Variants in NTM observed in about 807,000 individuals in gnomAD.
NTM encodes IgLON family member 2.
A neutral mutation model predicts 42.1 loss-of-function variants in NTM; 13 were observed. The ratio of observed to expected loss-of-function variants is 0.31; its 90% CI spans 0.20 to 0.49. The LOEUF is 0.49. Ranked by LOEUF, NTM falls within the 20% of genes least tolerant of loss-of-function variation. The pLI is 0.99. For missense variants in NTM, 373 were observed against 452.8 expected, an observed-to-expected ratio of 0.82 and a Z score of 1.60; for synonymous variants, 187 against 179.2, an observed-to-expected ratio of 1.04 and a Z score of -0.35.
At chr11:131,419,155 AAAACAAACAAACAAAC>A (rs71475754) in intron 1 of NTM, among the ~76,000 whole-genome samples, 1 of 150,898 alleles carries the variant, frequency 6.6e-6, no homozygotes, top group Admixed American at 6.6e-5. Context: ...ACCTTGGTTA[AAAACAAACAAACAAAC>A]AAACAAACAA....
intron 1 of NTM, among the ~76,000 whole-genome samples, chr11:131,545,178 C>T (rs1426094859): frequency 1.3e-5 from 2 of 152,122 alleles, no homozygotes; most frequent in East Asian, 1.9e-4. Context: ...AAATGGGTAT[C>T]ATTTCTAAGG....
At chr11:131,655,358 C>T (rs1223022189) in intron 1 of NTM, among the ~76,000 whole-genome samples, 2 of 152,220 alleles carry the variant, frequency 1.3e-5, no homozygotes, top group African/African-American at 4.8e-5. Context: ...TTTCCAGACA[C>T]TTGCTCCATC....
chr11:131,403,900 C>T (rs1306855344), intron 1 of NTM, among the ~76,000 whole-genome samples: 1 of 152,160 alleles, frequency 6.6e-6, no homozygotes, highest in East Asian at 1.9e-4. Context: ...AGTTCAACAT[C>T]TCAATTTATG....
chr11:131,461,235 T>G (rs1241803481), intron 1 of NTM, among the ~76,000 whole-genome samples: 1 of 152,194 alleles, frequency 6.6e-6, no homozygotes, highest in Admixed American at 6.5e-5. Flanking sequence ...GGTTGGCCAG[T>G]GCATTATAAT....
At chr11:132,201,809 T>G (rs1342162145) in intron 3 of NTM, among the ~76,000 whole-genome samples, 2 of 152,200 alleles carry the variant, frequency 1.3e-5, no homozygotes, top group Non-Finnish European at 2.9e-5. Flanking sequence ...ACCTACATAT[T>G]TTATTGGATC....
At chr11:131,391,613 A>G (rs1252966121) in intron 1 of NTM, among the ~76,000 whole-genome samples, 3 of 133,254 alleles carry the variant, frequency 2.3e-5, no homozygotes, top group African/African-American at 8.2e-5. Flanking sequence ...ATCACCAGGA[A>G]TTTGAAATCA....
intron 4 of NTM, among the ~76,000 whole-genome samples, chr11:132,245,557 G>A (rs1395241726): frequency 4.6e-5 from 7 of 152,194 alleles, no homozygotes; most frequent in African/African-American, 1.7e-4. Context: ...GAGAGAGCAC[G>A]ATGGAGGAGG....
intron 2 of NTM, among the ~76,000 whole-genome samples, chr11:132,112,881 CAG>C (rs2063409059): frequency 6.6e-6 from 1 of 152,164 alleles, no homozygotes; most frequent in African/African-American, 2.4e-5. Context: ...TTAAAGATCA[CAG>C]AGATAATCTT....
intron 1 of NTM, among the ~76,000 whole-genome samples, chr11:131,717,372 A>G (rs372828407): frequency 2.6e-5 from 4 of 152,156 alleles, no homozygotes; most frequent in African/African-American, 9.7e-5. Flanking sequence ...AGTTTAGTAT[A>G]TGTCTCTATT....
At chr11:131,709,165 T>C (rs1224730500) in intron 1 of NTM, among the ~76,000 whole-genome samples, 2 of 151,732 alleles carry the variant, frequency 1.3e-5, no homozygotes, top group African/African-American at 4.8e-5. Flanking sequence ...GACAGGATAA[T>C]AAGAGTAAGG....
At chr11:131,577,027 G>A (rs2058002067) in intron 1 of NTM, among the ~76,000 whole-genome samples, 1 of 152,134 alleles carries the variant, frequency 6.6e-6, no homozygotes, top group Non-Finnish European at 1.5e-5. Context: ...TGGTATACAG[G>A]CACATTTCAA....
intron 2 of NTM, among the ~76,000 whole-genome samples, chr11:132,044,130 ATG>A (rs1243299894): frequency 5.2e-4 from 33 of 63,176 alleles, no homozygotes; most frequent in African/African-American, 7.0e-4. Flanking sequence ...GTGTGTATAT[ATG>A]TGTGTGTGTA....
chr11:132,159,844 T>C (rs748978658), intron 3 of NTM, among the ~76,000 whole-genome samples: 4 of 152,188 alleles, frequency 2.6e-5, no homozygotes, highest in Non-Finnish European at 5.9e-5. Flanking sequence ...CCGAGGCAGC[T>C]GAAGGTCAAA....
chr11:132,146,354 C>G lies in NTM; in HGVS notation c.240C>G (p.Asp80Glu), dbSNP rs1436314297. The change falls in exon 3 of 9, where the codon GAC becomes GAG. Residue 80 changes from aspartate to glutamate, a missense_variant. Asp to Glu is a conservative substitution (Grantham distance 45). Around this residue, in one of 3 missense-constraint regions of NTM, gnomAD observed 312 missense variants for 353.5 expected, o/e 0.88. Transcript: ENST00000683400. The surrounding 1 kb of genome is among the most constrained non-coding windows in gnomAD (Gnocchi z 4.5). ...NRSTILYAGN[D>E]KWCLDPRVVL... ...GCACCATCCTCTATGCTGGGAATGA[C>G]AAGTGGTGCCTGGATCCTCGCGTGG... The G allele has an allele frequency of 1.9e-6, 3 of 1,614,220 alleles. No homozygotes were observed. Among genetic ancestry groups the G allele is most frequent in the Non-Finnish European group, 2.5e-6 (3 of 1,180,050 alleles).
At chr11:132,205,985 C>T (rs1027375059) in intron 3 of NTM, among the ~76,000 whole-genome samples, 1 of 152,282 alleles carries the variant, frequency 6.6e-6, no homozygotes, top group South Asian at 2.1e-4. Flanking sequence ...CTTAACAGAA[C>T]GGCATTCCTG....
At chr11:131,755,567 T>A (rs1408872323) in intron 1 of NTM, among the ~76,000 whole-genome samples, 1 of 152,240 alleles carries the variant, frequency 6.6e-6, no homozygotes, top group African/African-American at 2.4e-5. Context: ...TATTAAAATA[T>A]TTAGCCATCT....
chr11:131,885,738 A>G (rs1180991681), intron 1 of NTM, among the ~76,000 whole-genome samples: 1 of 152,232 alleles, frequency 6.6e-6, no homozygotes, highest in African/African-American at 2.4e-5. Context: ...TTATGGAATA[A>G]CTAGATACAT....
chr11:131,562,845 C>A (rs2056409265), intron 1 of NTM, among the ~76,000 whole-genome samples: 1 of 152,214 alleles, frequency 6.6e-6, no homozygotes, highest in Non-Finnish European at 1.5e-5. Flanking sequence ...CAGCCCGAAC[C>A]TTGCAAATGA....
intron 1 of NTM, chr11:131,661,031 G>A (rs2067973145): frequency 9.2e-6 from 12 of 1,304,544 alleles, no homozygotes; most frequent in African/African-American, 1.5e-5. Flanking sequence ...GGGAAGAGGT[G>A]GAAATGGAAG....
Sources: allele counts gnomAD v4.1 joint callset (sites outside exome capture counted in the v4.1 genomes callset), GRCh38; gene constraint gnomAD v4.1.1; regional missense constraint gnomAD v4.1.1; non-coding constraint Gnocchi (gnomAD v3.1); transcripts MANE v1.5; gene names NCBI Gene and HGNC (gene_info 2026-07-23, HGNC 2026-07-21).